Variants in NCAM2 observed in about 807,000 individuals in gnomAD.
NCAM2 encodes the protein N-CAM-2.
Under a neutral mutation model 98.1 loss-of-function variants are expected in NCAM2, and 30 were observed. The ratio of observed to expected loss-of-function variants is 0.31; its 90% CI spans 0.23 to 0.41. NCAM2 has a LOEUF of 0.41. Ranked by LOEUF, NCAM2 falls within the 10% of genes least tolerant of loss-of-function variation. The probability of loss-of-function intolerance (pLI) is 1.00; values close to 1 mark genes in which losing one functional copy is unlikely to be tolerated. For synonymous variants in NCAM2, 368 were observed against 342.4 expected (o/e 1.07, Z -0.83); for missense variants, 867 against 1,005.8 (o/e 0.86, Z 1.87).
chr21:21,306,812 C>T (rs960212598), intron 5 of NCAM2, among the ~76,000 whole-genome samples: 5 of 152,030 alleles, frequency 3.3e-5, no homozygotes, highest in African/African-American at 1.2e-4. Flanking sequence ...TTTTTGTACC[C>T]ATTTACCATC....
chr21:21,085,922 G>A (rs2065897749), intron 1 of NCAM2, among the ~76,000 whole-genome samples: 1 of 152,140 alleles, frequency 6.6e-6, no homozygotes, highest in Non-Finnish European at 1.5e-5. Context: ...GTATATTAGA[G>A]AAAATCATAG....
In NCAM2 at chr21:21,092,442, A is replaced by G. The variant is rs146719182; in HGVS notation, c.55+93824A>G. On this transcript the variant is annotated intron_variant, in intron 1 of 17. Coordinates refer to ENST00000400546, the MANE Select transcript of NCAM2 (RefSeq NM_004540.5). ...GTTTAGAAGAATTTACTGAATGAAT[A>G]ATATTATTAATTTTATCTGTCAGTT... 1.4e-3 allele frequency among the ~76,000 whole-genome samples: 219 copies of G among 152,144 alleles called. 1 individual carries two copies. The highest frequency in any genetic ancestry group is 5.2e-3 in the African/African-American group (216 of 41,532).
chr21:21,437,688 T>C (rs80103170), intron 12 of NCAM2, among the ~76,000 whole-genome samples: 6,032 of 152,080 alleles, frequency 0.04, 172 homozygotes, highest in East Asian at 0.13. Flanking sequence ...CCACAATTTA[T>C]AGAAAAAACA....
intron 8 of NCAM2, among the ~76,000 whole-genome samples, chr21:21,349,828 A>G (rs1356373419): frequency 6.6e-6 from 1 of 152,204 alleles, no homozygotes; most frequent in African/African-American, 2.4e-5. Flanking sequence ...ATAGAAAGAT[A>G]AACATCACAT....
chr21:21,337,380 T>C (rs1048796767), intron 7 of NCAM2, among the ~76,000 whole-genome samples: 4 of 152,098 alleles, frequency 2.6e-5, no homozygotes, highest in Admixed American at 2.6e-4. Flanking sequence ...TGACACAAAA[T>C]TGTATGCATA....
chr21:21,183,496 T>C (rs775654522), intron 1 of NCAM2, among the ~76,000 whole-genome samples: 16 of 152,124 alleles, frequency 1.1e-4, no homozygotes, highest in Non-Finnish European at 1.5e-4. Flanking sequence ...AAATCAGCTT[T>C]GGGAGGTAAG....
At chr21:21,514,803 A>G (rs1003748022) in intron 16 of NCAM2, among the ~76,000 whole-genome samples, 3 of 152,276 alleles carry the variant, frequency 2.0e-5, no homozygotes, top group African/African-American at 7.2e-5. Context: ...CTCAGATGAC[A>G]GAATTCAAAT....
At chr21:21,169,760 G>A (rs1166348679) in intron 1 of NCAM2, among the ~76,000 whole-genome samples, 1 of 151,900 alleles carries the variant, frequency 6.6e-6, no homozygotes, top group Non-Finnish European at 1.5e-5. Context: ...ACCAGCCTGG[G>A]CAACATGGTG....
intron 1 of NCAM2, among the ~76,000 whole-genome samples, chr21:21,223,954 A>G (rs530557939): frequency 6.6e-6 from 1 of 152,256 alleles, no homozygotes; most frequent in South Asian, 2.1e-4. Flanking sequence ...GATAGCCCAT[A>G]TGAAAGAGAA....
intron 8 of NCAM2, among the ~76,000 whole-genome samples, chr21:21,339,041 T>C (rs1049002751): frequency 1.3e-5 from 2 of 152,186 alleles, no homozygotes; most frequent in Non-Finnish European, 2.9e-5. Flanking sequence ...AGCGTTGGGA[T>C]TGGCGAAGAA....
At chr21:21,040,348 C>T (rs755609182) in intron 1 of NCAM2, among the ~76,000 whole-genome samples, 8 of 152,264 alleles carry the variant, frequency 5.3e-5, no homozygotes, top group Non-Finnish European at 1.0e-4. Context: ...TACTCATTCT[C>T]TCTGACTGAA....
At chr21:21,171,195 G>T (rs1015628173) in intron 1 of NCAM2, among the ~76,000 whole-genome samples, 4 of 152,160 alleles carry the variant, frequency 2.6e-5, no homozygotes, top group Non-Finnish European at 4.4e-5. Flanking sequence ...CTAAGCTGGG[G>T]TATGACAAGG....
At chr21:21,118,240 C>G (rs1178259755) in intron 1 of NCAM2, among the ~76,000 whole-genome samples, 1 of 152,102 alleles carries the variant, frequency 6.6e-6, no homozygotes, top group Non-Finnish European at 1.5e-5. Flanking sequence ...ATTATATAGA[C>G]CATCAGCAAG....
At chr21:21,030,313 G>T (rs2064652004) in intron 1 of NCAM2, among the ~76,000 whole-genome samples, 1 of 152,094 alleles carries the variant, frequency 6.6e-6, no homozygotes, top group Non-Finnish European at 1.5e-5. Flanking sequence ...ATTTCAAAGG[G>T]CAGGTCCTTG....
intron 5 of NCAM2, among the ~76,000 whole-genome samples, chr21:21,292,761 A>G (rs2073342546): frequency 6.6e-6 from 1 of 151,894 alleles, no homozygotes; most frequent in South Asian, 2.1e-4. Context: ...TATTCTATGG[A>G]GCTGGAAAAT....
At chr21:21,273,054 T>C (rs1360307826) in intron 1 of NCAM2, among the ~76,000 whole-genome samples, 2 of 150,150 alleles carry the variant, frequency 1.3e-5, no homozygotes, top group Admixed American at 6.7e-5. Context: ...GATAAGGAGA[T>C]GGTGGGCATA....
chr21:21,315,868 T>C (rs1266518475), intron 5 of NCAM2, among the ~76,000 whole-genome samples: 1 of 152,208 alleles, frequency 6.6e-6, no homozygotes, highest in Non-Finnish European at 1.5e-5. Context: ...CCAAATATAT[T>C]GGTCATATTA....
At chr21:21,239,252 G>C (rs571640945) in intron 1 of NCAM2, 201 of 152,270 alleles carry the variant, frequency 1.3e-3, no homozygotes, top group African/African-American at 4.7e-3. Context: ...TATATAAAAT[G>C]TTTCCGTGTG....
intron 11 of NCAM2, among the ~76,000 whole-genome samples, chr21:21,425,939 T>C (rs2077205937): frequency 6.6e-6 from 1 of 152,138 alleles, no homozygotes; most frequent in South Asian, 2.1e-4. Flanking sequence ...TTGCTTACAG[T>C]TCTAGGGGCT....
Sources: allele counts gnomAD v4.1 joint callset (sites outside exome capture counted in the v4.1 genomes callset), GRCh38; gene constraint gnomAD v4.1.1; transcripts MANE v1.5; gene names NCBI Gene and HGNC (gene_info 2026-07-23, HGNC 2026-07-21).